Variants in CFI observed in about 807,000 individuals in gnomAD.
CFI encodes the protein C3B/C4B inactivator.
In CFI, 66 loss-of-function variants were observed where a neutral mutation model predicts 78.8. That is an observed-to-expected ratio of 0.84 (90% CI 0.69 to 1.03). CFI has a LOEUF of 1.03. Ranked by LOEUF, CFI falls within the 50% of genes least tolerant of loss-of-function variation. CFI has a pLI of 0.00. For missense variants in CFI, 706 were observed against 704.5 expected, an observed-to-expected ratio of 1.00 and a Z score of -0.02; for synonymous variants, 250 against 232.6, an observed-to-expected ratio of 1.07 and a Z score of -0.68.
chr4:109,775,692 A>T (rs539177250), intron 1 of CFI, among the ~76,000 whole-genome samples: 1 of 152,316 alleles, frequency 6.6e-6, no homozygotes, highest in East Asian at 1.9e-4. Flanking sequence ...GAATGGACAG[A>T]CTGCCTCAAG....
At chr4:109,763,149 CT>C (rs1325396503) in intron 3 of CFI, among the ~76,000 whole-genome samples, 1 of 152,054 alleles carries the variant, frequency 6.6e-6, no homozygotes, top group Admixed American at 6.5e-5. Context: ...TAAGCATTGC[CT>C]TAATAGTAGT....
chr4:109,788,859 T>C (rs774014412), intron 1 of CFI, among the ~76,000 whole-genome samples: 60 of 152,024 alleles, frequency 3.9e-4, no homozygotes, highest in Non-Finnish European at 7.5e-4. Flanking sequence ...TAATACAAAA[T>C]AGTAGGCATC....
chr4:109,731,165 T>C, the CFI span, among the ~76,000 whole-genome samples: 1 of 152,030 alleles, frequency 6.6e-6, no homozygotes, highest in African/African-American at 2.4e-5. Flanking sequence ...GCTGACATGG[T>C]GAAACCCCAT....
In CFI at chr4:109,757,766, G is replaced by A. The variant is rs1182559988; in HGVS notation, c.901C>T (p.Gln301Ter). The A allele has an allele frequency of 2.1e-6, 3 of 1,450,914 alleles. No individual in the cohort carries two copies. Among genetic ancestry groups the A allele is most frequent in the Non-Finnish European group, 1.9e-6 (2 of 1,040,034 alleles). 89.9% of individuals were successfully genotyped at this position (1,450,914 alleles called of 1,614,324 possible). ...CAAATTTTAATAAAAATTTTACCTT[G>A]AGTCACAGATGCAAAGCCTGAAGAA... ...VGCAGFASVT[Q>*]EETEILTADM... Residue 301 changes from glutamine (Q) to a stop codon, truncating the protein, a stop_gained, in exon 7 of 13, where the codon CAA becomes TAA. Transcript: ENST00000394634. LOFTEE classifies it high-confidence loss of function.
At position 109,764,612 on chromosome 4, in the gene CFI, T is replaced by C; in HGVS notation, c.407A>G (p.Lys136Arg). 1 of 1,614,166 alleles carries C rather than the reference T, an allele frequency of 6.2e-7. No individual in the cohort carries two copies. The highest frequency in any genetic ancestry group is 1.1e-5 in the South Asian group (1 of 91,084). ...IVEVKLVDQDKTMFICKSSWS... is the reference protein window; with the variant it reads ...IVEVKLVDQDRTMFICKSSWS... ...GCTGCTTTTGCATATGAACATTGTC[T>C]TATCTTGGTCCACAAGTTTTACTTC... The change falls in exon 3 of 13, where the codon AAG becomes AGG. Residue 136 changes from lysine to arginine, a missense_variant. Physicochemically the swap from Lys to Arg is conservative, Grantham distance 26. Transcript: ENST00000394634.
intron 1 of CFI, among the ~76,000 whole-genome samples, chr4:109,801,301 A>G (rs1732745186): frequency 6.6e-6 from 1 of 152,138 alleles, no homozygotes; most frequent in Non-Finnish European, 1.5e-5. Flanking sequence ...AGAAGCTGGA[A>G]ATCACTCCTC....
intron 12 of CFI, 116 bp from the exon 13 acceptor site, chr4:109,741,226 A>C: frequency 6.4e-7 from 1 of 1,561,224 alleles, no homozygotes; most frequent in East Asian, 2.3e-5. Context: ...TGACAGCAAT[A>C]GCATGGGCTC....
At position 109,741,120 on chromosome 4, in the gene CFI, A is replaced by G. The variant is rs1414059407; in HGVS notation, c.1535-10T>C. 1.9e-6 allele frequency: 3 copies of G among 1,613,820 alleles called. No individual in the cohort carries two copies. The highest frequency in any genetic ancestry group is 2.5e-6 in the Non-Finnish European group (3 of 1,179,940). ...GAACCATCATATGTACCTAAGAAAGAAATGTGAAAGAGAAAATCACACATT... is the reference window on the plus strand; with the variant it reads ...GAACCATCATATGTACCTAAGAAAGGAATGTGAAAGAGAAAATCACACATT... On this transcript the variant is annotated splice_polypyrimidine_tract_variant and intron_variant, in intron 12 of 12. Coordinates refer to ENST00000394634, the MANE Select transcript of CFI (RefSeq NM_000204.5).
In CFI at chr4:109,789,663, CA is replaced by C. The variant is rs570156801; in HGVS notation, c.57+12251del. 1.9e-3 allele frequency among the ~76,000 whole-genome samples: 285 copies of C among 152,060 alleles called. 1 individual carries two copies. The highest frequency in any genetic ancestry group is 6.6e-3 in the African/African-American group (272 of 41,516). On this transcript the variant is annotated intron_variant, in intron 1 of 12. Transcript: ENST00000394634. Reference sequence around the variant, plus strand: ...AGCATACCTGCAGTACAAGAAAAAGCAGAAGGAAAATTATCACAGAGGGAAA... The same window carrying C: ...AGCATACCTGCAGTACAAGAAAAAGCGAAGGAAAATTATCACAGAGGGAAA...
intron 1 of CFI, 129 bp from the exon 2 acceptor site, chr4:109,766,953 C>T (rs1447214152): frequency 1.8e-5 from 16 of 870,162 alleles, no homozygotes; most frequent in Non-Finnish European, 2.7e-5. Flanking sequence ...TGTCTGGTGG[C>T]TTCAAGAATC....
At position 109,777,225 on chromosome 4, in the gene CFI, C is replaced by T. The variant is rs371158703; in HGVS notation, c.58-10401G>A. On this transcript the variant is annotated intron_variant, in intron 1 of 12. Coordinates refer to ENST00000394634, the MANE Select transcript of CFI (RefSeq NM_000204.5). Reference sequence around the variant, plus strand: ...CCATCAGTGTGCTGTATTCGGGAAACGCATCTATGTGTGCAGAGACACACA... The same window carrying T: ...CCATCAGTGTGCTGTATTCGGGAAATGCATCTATGTGTGCAGAGACACACA... 2.4e-4 allele frequency among the ~76,000 whole-genome samples: 37 copies of T among 152,136 alleles called. No homozygotes were observed. In the South Asian group the frequency reaches 2.7e-3, roughly 11 times the overall value.
At chr4:109,740,328 AAAAG>A (rs1429250151), downstream of CFI, among the ~76,000 whole-genome samples, 5 of 151,748 alleles carry the variant, frequency 3.3e-5, no homozygotes, top group South Asian at 2.1e-4. Flanking sequence ...AGAAAAGAGA[AAAAG>A]AAAGAAAGAG....
intron 1 of CFI, among the ~76,000 whole-genome samples, chr4:109,782,957 G>A (rs1489633421): frequency 1.3e-5 from 2 of 152,052 alleles, no homozygotes; most frequent in African/African-American, 4.8e-5. Flanking sequence ...AATGGTACTG[G>A]GATAATTGGC....
intron 1 of CFI, among the ~76,000 whole-genome samples, chr4:109,800,266 C>T (rs1054723940): frequency 3.4e-5 from 5 of 145,166 alleles, no homozygotes; most frequent in Non-Finnish European, 4.5e-5. Context: ...TTGGTGATTA[C>T]GTCACAGCAC....
the CFI span, among the ~76,000 whole-genome samples, chr4:109,733,060 C>T: frequency 6.6e-6 from 1 of 151,812 alleles, no homozygotes; most frequent in Non-Finnish European, 1.5e-5. Context: ...CAACCTCCGC[C>T]TCCCAGGTTC....
intron 1 of CFI, among the ~76,000 whole-genome samples, chr4:109,770,254 G>GTAC (rs1194802414): frequency 6.6e-6 from 1 of 152,132 alleles, no homozygotes; most frequent in East Asian, 1.9e-4. Context: ...GTGAGGAAGT[G>GTAC]GAAGTAGAAG....
chr4:109,739,199 A>C (rs1408539462), downstream of CFI, among the ~76,000 whole-genome samples: 1 of 152,178 alleles, frequency 6.6e-6, no homozygotes, highest in Non-Finnish European at 1.5e-5. Flanking sequence ...TCTATCCAAG[A>C]CTGGCCCTAA....
chr4:109,752,504 C>A lies in CFI; in HGVS notation c.905-1G>T, dbSNP rs1437470671. 6.2e-7 allele frequency: 1 copy of A among 1,612,040 alleles called. No individual in the cohort carries two copies. Among genetic ancestry groups the A allele is most frequent in the African/African-American group, 1.3e-5 (1 of 74,908 alleles). On this transcript the variant is annotated splice_acceptor_variant, in intron 7 of 12. Coordinates refer to ENST00000394634, the MANE Select transcript of CFI (RefSeq NM_000204.5). LOFTEE classifies it high-confidence loss of function. ...TCAGCAGTCAAAATTTCTGTTTCTTCTATGATAAAACAAAAGATTCCAATG... is the reference window on the plus strand; with the variant it reads ...TCAGCAGTCAAAATTTCTGTTTCTTATATGATAAAACAAAAGATTCCAATG...
chr4:109,755,026 T>A (rs1391606759), intron 7 of CFI, among the ~76,000 whole-genome samples: 1 of 152,158 alleles, frequency 6.6e-6, no homozygotes, highest in Non-Finnish European at 1.5e-5. Context: ...TCTGTAATGT[T>A]TAAAACTGAC....
Sources: gnomAD v4.1 joint callset for allele counts (sites outside exome capture counted in the v4.1 genomes callset) on GRCh38, gnomAD v4.1.1 for gene constraint, MANE v1.5 for transcripts, NCBI Gene and HGNC (gene_info 2026-07-23, HGNC 2026-07-21) for gene names.